OPCML: variants seen among roughly 807,000 people sequenced by gnomAD.
OPCML encodes opioid-binding protein/cell adhesion molecule.
A neutral mutation model predicts 37.8 loss-of-function variants in OPCML; 13 were observed. The ratio of observed to expected loss-of-function variants is 0.34; its 90% CI spans 0.22 to 0.55. The LOEUF is 0.55. Among genes scored for constraint, OPCML ranks in the 20% least tolerant of loss-of-function variants. The pLI, the probability that OPCML is intolerant of heterozygous loss-of-function variation, is 0.91. For synonymous variants in OPCML, 176 were observed against 168.8 expected (o/e 1.04, Z -0.33); for missense variants, 341 against 435.6 (o/e 0.78, Z 1.93).
At chr11:133,248,451 T>C (rs1253066582) in intron 1 of OPCML, among the ~76,000 whole-genome samples, 3 of 152,242 alleles carry the variant, frequency 2.0e-5, no homozygotes, top group Admixed American at 6.5e-5. Flanking sequence ...GATTTTTCTC[T>C]GTAAATCTGG....
At chr11:133,139,800 A>G (rs1378065591) in intron 1 of OPCML, among the ~76,000 whole-genome samples, 2 of 152,174 alleles carry the variant, frequency 1.3e-5, no homozygotes, top group Admixed American at 6.5e-5. Context: ...TTAGACTTTT[A>G]TATTTTCCCC....
chr11:132,718,647 T>G (rs1194378348), intron 2 of OPCML, among the ~76,000 whole-genome samples: 1 of 152,098 alleles, frequency 6.6e-6, no homozygotes, highest in Non-Finnish European at 1.5e-5. Flanking sequence ...GCTACACCAC[T>G]GTGGATAGTG....
intron 2 of OPCML, among the ~76,000 whole-genome samples, chr11:132,912,551 T>C (rs983785941): frequency 1.3e-5 from 2 of 152,172 alleles, no homozygotes; most frequent in Non-Finnish European, 2.9e-5. Flanking sequence ...CTGCAATCTA[T>C]ATACTTACAA....
chr11:132,941,622 C>A (rs558021067), intron 2 of OPCML, among the ~76,000 whole-genome samples: 2 of 152,268 alleles, frequency 1.3e-5, no homozygotes, highest in Admixed American at 1.3e-4. Flanking sequence ...TGAGTGGTAC[C>A]CACATGGCCA....
At chr11:132,984,129 G>A (rs933192203) in intron 1 of OPCML, among the ~76,000 whole-genome samples, 1 of 152,078 alleles carries the variant, frequency 6.6e-6, no homozygotes, top group Non-Finnish European at 1.5e-5. Context: ...CTTTCCCAAG[G>A]CCAGAAAGCT....
intron 1 of OPCML, among the ~76,000 whole-genome samples, chr11:133,369,896 G>T (rs1177640620): frequency 6.6e-6 from 1 of 152,156 alleles, no homozygotes; most frequent in Non-Finnish European, 1.5e-5. Flanking sequence ...TTTGGATTTT[G>T]GGGGATTTTG....
chr11:132,706,770 G>T (rs1227980418), intron 2 of OPCML, among the ~76,000 whole-genome samples: 1 of 152,192 alleles, frequency 6.6e-6, no homozygotes, highest in African/African-American at 2.4e-5. Context: ...CTGGTAAACT[G>T]GTAGTGTGCC....
chr11:132,676,486 A>C (rs1942706495), intron 2 of OPCML, among the ~76,000 whole-genome samples: 1 of 151,994 alleles, frequency 6.6e-6, no homozygotes, highest in South Asian at 2.1e-4. Flanking sequence ...CCAGTGAGAA[A>C]GTAAAAAAAA....
intron 2 of OPCML, among the ~76,000 whole-genome samples, chr11:132,893,362 G>T (rs924566051): frequency 1.3e-5 from 2 of 152,316 alleles, no homozygotes; most frequent in Admixed American, 1.3e-4. Flanking sequence ...TGTGAGAAGT[G>T]CAGTTACCGC....
intron 1 of OPCML, among the ~76,000 whole-genome samples, chr11:133,188,478 A>G (rs1938180542): frequency 6.6e-6 from 1 of 151,932 alleles, no homozygotes; most frequent in South Asian, 2.1e-4. Context: ...AAAAGGAAAA[A>G]TAAAAGGGAA....
intron 1 of OPCML, among the ~76,000 whole-genome samples, chr11:133,048,805 T>C (rs1039827777): frequency 6.6e-6 from 1 of 152,190 alleles, no homozygotes; most frequent in Non-Finnish European, 1.5e-5. Context: ...CTCTAAGCTA[T>C]GGCTCTTTGA....
At chr11:133,458,481 T>TACAC (rs1409403470) in intron 1 of OPCML, among the ~76,000 whole-genome samples, 3 of 134,586 alleles carry the variant, frequency 2.2e-5, no homozygotes, top group Admixed American at 7.0e-5. Flanking sequence ...TGTGTGTATA[T>TACAC]ACACATATAT....
At chr11:133,316,909 A>G (rs955202463) in intron 1 of OPCML, among the ~76,000 whole-genome samples, 1 of 152,216 alleles carries the variant, frequency 6.6e-6, no homozygotes, top group African/African-American at 2.4e-5. Context: ...CTAACATGTA[A>G]CTGTTAGGCT....
intron 1 of OPCML, among the ~76,000 whole-genome samples, chr11:133,042,532 C>A (rs1308961415): frequency 1.3e-5 from 2 of 152,150 alleles, no homozygotes; most frequent in African/African-American, 4.8e-5. Flanking sequence ...ATCCACTGCT[C>A]AACTCTCCCA....
chr11:133,341,441 T>C (rs1943867240), intron 1 of OPCML, among the ~76,000 whole-genome samples: 1 of 152,142 alleles, frequency 6.6e-6, no homozygotes, highest in Admixed American at 6.5e-5. Context: ...TCCTACCCTT[T>C]GACTGACTTT....
chr11:133,044,913 G>A (rs939598404), intron 1 of OPCML, among the ~76,000 whole-genome samples: 2 of 152,162 alleles, frequency 1.3e-5, no homozygotes, highest in African/African-American at 4.8e-5. Context: ...TCCAAATGAG[G>A]ACACTAAAGA....
At chr11:133,124,107 G>C (rs553148605) in intron 1 of OPCML, among the ~76,000 whole-genome samples, 2 of 151,944 alleles carry the variant, frequency 1.3e-5, no homozygotes, top group South Asian at 4.2e-4. Flanking sequence ...TGTAAGAGAA[G>C]AGTGCAAATG....
At chr11:132,517,493 G>C (rs181340420) in intron 4 of OPCML, among the ~76,000 whole-genome samples, 1 of 152,284 alleles carries the variant, frequency 6.6e-6, no homozygotes, top group Non-Finnish European at 1.5e-5. Context: ...GCTGCAGTAT[G>C]TTAGTATGGA....
chr11:133,499,853 CATACACAT>C (rs1565669840), intron 1 of OPCML, among the ~76,000 whole-genome samples: 2 of 115,572 alleles, frequency 1.7e-5, no homozygotes, highest in African/African-American at 8.2e-5. Flanking sequence ...TATATATATA[CATACACAT>C]ATATATATAT....
Sources: gnomAD v4.1 joint callset for allele counts (sites outside exome capture counted in the v4.1 genomes callset) on GRCh38, gnomAD v4.1.1 for gene constraint, MANE v1.5 for transcripts, NCBI Gene and HGNC (gene_info 2026-07-23, HGNC 2026-07-21) for gene names.